The following NPHP4 variants were observed in gnomAD, a reference collection of about 807,000 sequenced individuals.
NPHP4 encodes nephrocystin-4.
NPHP4 carries 151 observed loss-of-function variants against 155.8 expected under a neutral mutation model. That is an observed-to-expected ratio of 0.97 (90% confidence interval 0.85 to 1.11). NPHP4 has a LOEUF of 1.11. NPHP4 is among the 50% of genes least tolerant of loss of function. The probability of loss-of-function intolerance (pLI) is 0.00; values close to 1 mark genes in which losing one functional copy is unlikely to be tolerated. For synonymous variants in NPHP4, 845 were observed against 816.8 expected (o/e 1.03, Z -0.59); for missense variants, 1,956 against 1,925.7 (o/e 1.02, Z -0.29).
intron 6 of NPHP4, among the ~76,000 whole-genome samples, chr1:5,953,432 C>T (rs1648578531): frequency 6.6e-6 from 1 of 152,174 alleles, no homozygotes; most frequent in African/African-American, 2.4e-5. Context: ...TTCGACAACT[C>T]AAAGAACACA....
chr1:5,987,963 C>T (rs1655727499), intron 1 of NPHP4, among the ~76,000 whole-genome samples: 1 of 152,348 alleles, frequency 6.6e-6, no homozygotes, highest in African/African-American at 2.4e-5. Context: ...TAGCTTCACA[C>T]TTCTTCAAGA....
intron 16 of NPHP4, among the ~76,000 whole-genome samples, chr1:5,898,350 AG>A (rs1435699038): frequency 6.6e-6 from 1 of 152,218 alleles, no homozygotes; most frequent in Admixed American, 6.5e-5. Flanking sequence ...CAAAAAGTGT[AG>A]GAAGAAGAGG....
At chr1:5,980,053 C>T (rs111527874) in intron 2 of NPHP4, among the ~76,000 whole-genome samples, 3 of 152,272 alleles carry the variant, frequency 2.0e-5, no homozygotes, top group African/African-American at 7.2e-5. Context: ...CCAGACACCT[C>T]GGGCCATCCC....
Position 5,992,250 on chromosome 1 carries a change from G to A in NPHP4, c.-45C>T, listed in dbSNP as rs1457581914. On this transcript the variant is annotated 5_prime_UTR_variant, in exon 1 of 30. Coordinates refer to ENST00000378156, the MANE Select transcript of NPHP4 (RefSeq NM_015102.5). ...CCGCCGCGGGCCGCGTTACCTAGGA[G>A]ACCGACCCGCCGCGGCCGCGCCGGA... The A allele has an allele frequency of 6.6e-6, 1 of 152,094 alleles. No homozygotes were observed. The highest frequency in any genetic ancestry group is 6.5e-5 in the Admixed American group (1 of 15,278). 9.4% of individuals were successfully genotyped at this position (152,094 alleles called of 1,614,324 possible).
In NPHP4 at chr1:5,874,996, G is replaced by A. The variant is rs1393988848; in HGVS notation, c.2922C>T (p.Ala974=). 6.2e-7 allele frequency: 1 copy of A among 1,612,452 alleles called. No individual in the cohort carries two copies. Among genetic ancestry groups the A allele is most frequent in the South Asian group, 1.1e-5 (1 of 91,076 alleles). The change falls in exon 21 of 30, where the codon GCC becomes GCT. Residue 974 remains alanine, a synonymous_variant. Coordinates refer to ENST00000378156, the MANE Select transcript of NPHP4 (RefSeq NM_015102.5). ...CGTGGAGCGTGTGCTCCGTGGTGATGGCCAGGCTCAGCAGGCTGGCGATGC... is the reference window on the plus strand; with the variant it reads ...CGTGGAGCGTGTGCTCCGTGGTGATAGCCAGGCTCAGCAGGCTGGCGATGC... ...AESIASLLSL[A]ITTEHTLHAT...
intron 2 of NPHP4, among the ~76,000 whole-genome samples, chr1:5,985,870 C>T (rs570812208): frequency 6.6e-6 from 1 of 152,336 alleles, no homozygotes; most frequent in East Asian, 1.9e-4. Context: ...TACATCAGAG[C>T]TTAGCGTGGC....
rs756743366 is a variant in NPHP4 at position 5,889,453 on chromosome 1, G to A, written c.2304+1415C>T. On this transcript the variant is annotated intron_variant, in intron 17 of 29. Coordinates refer to ENST00000378156, the MANE Select transcript of NPHP4 (RefSeq NM_015102.5). The surrounding 1 kb of genome is among the most constrained non-coding windows in gnomAD (Gnocchi z 4.2). Reference sequence around the variant, plus strand: ...TCAAGTCTATGTCAACAAGCGTAACGGCACTTGTTTAAGGGGCTCTTCGTG... The same window carrying A: ...TCAAGTCTATGTCAACAAGCGTAACAGCACTTGTTTAAGGGGCTCTTCGTG... Among the ~76,000 whole-genome samples the A allele has an allele frequency of 5.3e-5, 8 of 152,172 alleles. No homozygotes were observed. The highest frequency in any genetic ancestry group is 8.8e-5 in the Non-Finnish European group (6 of 68,038).
In NPHP4 at chr1:5,972,875, T is replaced by G. The variant is rs186055712; in HGVS notation, c.280-3616A>C. ...TATCCACTGAACCTAATTTGTAGGG[T>G]TTTTTTTTGTTTGGTTTTTCTTTTT... On this transcript the variant is annotated intron_variant, in intron 3 of 29. Transcript: ENST00000378156. Among the ~76,000 whole-genome samples the G allele has an allele frequency of 4.0e-3, 598 of 151,090 alleles. 3 individuals carry two copies. Among genetic ancestry groups the G allele is most frequent in the Middle Eastern group, 0.01 (3 of 292 alleles).
chr1:5,934,982 C>T (rs924583319), intron 9 of NPHP4, among the ~76,000 whole-genome samples: 2 of 152,212 alleles, frequency 1.3e-5, no homozygotes, highest in African/African-American at 4.8e-5. Context: ...ACTCAGGTCC[C>T]ACACAGATCC....
Position 5,917,491 on chromosome 1 carries a change from T to C in NPHP4, c.1442-8278A>G, listed in dbSNP as rs1645537041. Among the ~76,000 whole-genome samples the C allele has an allele frequency of 2.6e-5, 4 of 152,190 alleles. 1 individual carries two copies. The highest frequency in any genetic ancestry group is 2.6e-4 in the Admixed American group (4 of 15,286). ...TCCTTTGAGTGCCGGGATCCAGCCA[T>C]GCCTAACATCAGCTCTACCTCTAGG... On this transcript the variant is annotated intron_variant, in intron 11 of 29. Coordinates refer to ENST00000378156, the MANE Select transcript of NPHP4 (RefSeq NM_015102.5).
chr1:5,967,414 G>T, intron 4 of NPHP4, 51 bp from the exon 5 acceptor site: 1 of 1,444,418 alleles, frequency 6.9e-7, no homozygotes, highest in Non-Finnish European at 9.6e-7. Context: ...GCACTTCTCA[G>T]AAGGAAAGCA....
At chr1:5,864,744 T>C in intron 27 of NPHP4, 1 of 543,190 alleles carries the variant, frequency 1.8e-6, no homozygotes, top group South Asian at 2.9e-5. Flanking sequence ...AAGCGCTGCC[T>C]CCGCAGACAG....
At chr1:5,871,771 C>T (rs770641389) in intron 23 of NPHP4, among the ~76,000 whole-genome samples, 47 of 152,192 alleles carry the variant, frequency 3.1e-4, no homozygotes, top group Non-Finnish European at 5.4e-4. Flanking sequence ...CCCAGGACAG[C>T]GGGTCCTGAT....
chr1:5,948,341 A>C, intron 7 of NPHP4, 90 bp from the exon 8 acceptor site: 1 of 969,920 alleles, frequency 1.0e-6, no homozygotes, highest in Non-Finnish European at 1.5e-6. Flanking sequence ...AGAGAGAAGA[A>C]ACTGGAGCAG....
intron 5 of NPHP4, among the ~76,000 whole-genome samples, chr1:5,964,935 A>ATTTTTTTTT (rs1476774217): frequency 0.12 from 3,740 of 31,266 alleles, 206 homozygotes; most frequent in East Asian, 0.17. Context: ...ATATATATAT[A>ATTTTTTTTT]TATATATTTT....
chr1:5,880,506 TCA>T (rs1179303975), intron 18 of NPHP4: 5 of 454,030 alleles, frequency 1.1e-5, no homozygotes, highest in Non-Finnish European at 2.0e-5. Flanking sequence ...CGTGTGGCAC[TCA>T]CAGTTCGCTG....
chr1:5,918,818 CA>C (rs1338967674), intron 11 of NPHP4, among the ~76,000 whole-genome samples: 1 of 152,112 alleles, frequency 6.6e-6, no homozygotes, highest in Non-Finnish European at 1.5e-5. Context: ...ATAAATAGAC[CA>C]ATAACCATGA....
At chr1:5,983,528 A>C (rs1655030615) in intron 2 of NPHP4, among the ~76,000 whole-genome samples, 1 of 152,226 alleles carries the variant, frequency 6.6e-6, no homozygotes, top group Non-Finnish European at 1.5e-5. Context: ...GTGTGACTCA[A>C]CTGAGAGAGG....
At chr1:5,912,829 C>T (rs1459026561) in intron 11 of NPHP4, among the ~76,000 whole-genome samples, 2 of 152,172 alleles carry the variant, frequency 1.3e-5, no homozygotes, top group Non-Finnish European at 2.9e-5. Context: ...AACACGGAGC[C>T]CCTCCGTTCT....
Sources: gnomAD v4.1 joint callset for allele counts (sites outside exome capture counted in the v4.1 genomes callset) on GRCh38, gnomAD v4.1.1 for gene constraint, Gnocchi (gnomAD v3.1) non-coding constraint, MANE v1.5 for transcripts, NCBI Gene and HGNC (gene_info 2026-07-23, HGNC 2026-07-21) for gene names.